The following ADRA1D variants were observed in gnomAD, a reference collection of about 807,000 sequenced individuals.
ADRA1D encodes adrenoceptor alpha 1D.
A neutral mutation model predicts 18.6 loss-of-function variants in ADRA1D; 22 were observed. The observed-to-expected ratio is 1.19, with a 90% CI of 0.85 to 1.69. The LOEUF (loss-of-function observed/expected upper bound fraction) is 1.69, where lower values mean the gene tolerates loss of function less well. Ranked by LOEUF, ADRA1D falls within the 40% of genes most tolerant of loss-of-function variation. The pLI, the probability that ADRA1D is intolerant of heterozygous loss-of-function variation, is 0.00. For missense variants in ADRA1D, 840 were observed against 840.7 expected, an observed-to-expected ratio of 1.00 and a Z score of 0.01; for synonymous variants, 376 against 388.2, an observed-to-expected ratio of 0.97 and a Z score of 0.37.
At chr20:4,233,640 G>A (rs1207691416) in intron 1 of ADRA1D, among the ~76,000 whole-genome samples, 2 of 152,152 alleles carry the variant, frequency 1.3e-5, no homozygotes, top group Non-Finnish European at 2.9e-5. Context: ...GCAGTGTCAC[G>A]TCTTCAAGTG....
rs1272287146 is a variant in ADRA1D at position 4,221,486 on chromosome 20, C to CA, written c.*36dup. ...CCGCCTCTCTGGTCCCCCTTACCCC[C>CA]AAGCCCAGCACACTCCGCGGCCTAG... On this transcript the variant is annotated 3_prime_UTR_variant, in exon 2 of 2. Transcript: ENST00000379453. 1 of 1,571,152 alleles carries CA rather than the reference C, an allele frequency of 6.4e-7. No individual in the cohort carries two copies. Among genetic ancestry groups the CA allele is most frequent in the East Asian group, 2.3e-5 (1 of 44,150 alleles).
chr20:4,247,957 G>T lies in ADRA1D; in HGVS notation c.1001C>A (p.Ser334Tyr), dbSNP rs1389826152. The T allele has an allele frequency of 5.6e-6, 9 of 1,594,320 alleles. No individual in the cohort carries two copies. Among genetic ancestry groups the T allele is most frequent in the Non-Finnish European group, 7.7e-6 (9 of 1,170,990 alleles). Residue 334 changes from serine (S) to tyrosine (Y), a missense_variant, in exon 1 of 2, where the codon TCC becomes TAC. Physicochemically the swap from Ser to Tyr is moderately radical, Grantham distance 144. Transcript: ENST00000379453. ...AKGHTFRSSL[S>Y]VRLLKFSREK... is the part of the protein sequence containing the mutation. ...ACGGGAGAACTTGAGCAGGCGCACG[G>T]AGAGCGAGCTGCGGAAGGTGTGGCC...
Position 4,248,581 on chromosome 20 carries a change from T to C in ADRA1D, c.377A>G (p.His126Arg). The change falls in exon 1 of 2, where the codon CAC (histidine) becomes CGC (arginine). Residue 126 changes from histidine (H) to arginine (R), a missense_variant. Coordinates refer to ENST00000379453, the MANE Select transcript of ADRA1D (RefSeq NM_000678.4). Reference sequence around the variant, plus strand: ...GAAATAGTTGGTGACGGTCTGCAGGTGGCGGTTGCAGGCCACTGAGAGGAT... The same window carrying C: ...GAAATAGTTGGTGACGGTCTGCAGGCGGCGGTTGCAGGCCACTGAGAGGAT... Reference protein sequence around the residue: ...LVILSVACNRHLQTVTNYFIV... With the variant: ...LVILSVACNRRLQTVTNYFIV... 1 of 1,613,662 alleles carries C rather than the reference T, an allele frequency of 6.2e-7. No homozygotes were observed. The highest frequency in any genetic ancestry group is 8.5e-7 in the Non-Finnish European group (1 of 1,179,910).
At position 4,248,976 on chromosome 20, in the gene ADRA1D, G is replaced by C; in HGVS notation, c.-19C>G. ...AAGTCATCTCAACGCGCGGCCGTCG[G>C]TGGCCGGGCCGGGGCACAGAACGAG... On this transcript the variant is annotated 5_prime_UTR_variant, in exon 1 of 2. Coordinates refer to ENST00000379453, the MANE Select transcript of ADRA1D (RefSeq NM_000678.4). 4 of 1,335,804 alleles carry C rather than the reference G, an allele frequency of 3.0e-6. No individual in the cohort carries two copies. Among genetic ancestry groups the C allele is most frequent in the Non-Finnish European group, 2.9e-6 (3 of 1,032,440 alleles). 82.7% of individuals were successfully genotyped at this position (1,335,804 alleles called of 1,614,324 possible).
chr20:4,248,135 A>T lies in ADRA1D; in HGVS notation c.823T>A (p.Cys275Ser). The change falls in exon 1 of 2, where the codon TGC becomes AGC. Residue 275 changes from cysteine (C) to serine (S), a missense_variant. Physicochemically the swap from Cys to Ser is moderately radical, Grantham distance 112 (BLOSUM62 -1). Coordinates refer to ENST00000379453, the MANE Select transcript of ADRA1D (RefSeq NM_000678.4). Reference sequence around the variant, plus strand: ...CTGCGCGCGACCACGTACACGCGGCAGTACATGACCACGATGACCGCCATG... The same window carrying T: ...CTGCGCGCGACCACGTACACGCGGCTGTACATGACCACGATGACCGCCATG... ...LPMAVIVVMYCRVYVVARSTT... is the reference protein window; with the variant it reads ...LPMAVIVVMYSRVYVVARSTT... The T allele has an allele frequency of 6.4e-7, 1 of 1,573,196 alleles. No individual in the cohort carries two copies. Among genetic ancestry groups the T allele is most frequent in the Middle Eastern group, 1.7e-4 (1 of 6,030 alleles).
chr20:4,241,368 T>C (rs951319988), intron 1 of ADRA1D, among the ~76,000 whole-genome samples: 6 of 152,340 alleles, frequency 3.9e-5, no homozygotes, highest in African/African-American at 1.4e-4. Context: ...GTTAATGATA[T>C]GTAGTTAATG....
intron 1 of ADRA1D, among the ~76,000 whole-genome samples, chr20:4,229,483 G>T (rs1980904132): frequency 6.6e-6 from 1 of 152,200 alleles, no homozygotes; most frequent in Non-Finnish European, 1.5e-5. Context: ...TCTGGATAAG[G>T]TGGCCAGGAA....
chr20:4,247,958 A>T lies in ADRA1D; in HGVS notation c.1000T>A (p.Ser334Thr). The change falls in exon 1 of 2, where the codon TCC (serine) becomes ACC (threonine). Residue 334 changes from serine (S) to threonine (T), a missense_variant. Coordinates refer to ENST00000379453, the MANE Select transcript of ADRA1D (RefSeq NM_000678.4). ...AKGHTFRSSL[S>T]VRLLKFSREK... is the part of the protein sequence containing the mutation. ...CGGGAGAACTTGAGCAGGCGCACGG[A>T]GAGCGAGCTGCGGAAGGTGTGGCCC... 1 of 1,593,502 alleles carries T rather than the reference A, an allele frequency of 6.3e-7. No homozygotes were observed.
At position 4,248,975 on chromosome 20, in the gene ADRA1D, G is replaced by A. The variant is rs1408971272; in HGVS notation, c.-18C>T. ...AAAGTCATCTCAACGCGCGGCCGTC[G>A]GTGGCCGGGCCGGGGCACAGAACGA... On this transcript the variant is annotated 5_prime_UTR_variant, in exon 1 of 2. Coordinates refer to ENST00000379453, the MANE Select transcript of ADRA1D (RefSeq NM_000678.4). The A allele has an allele frequency of 1.5e-6, 2 of 1,336,050 alleles. No individual in the cohort carries two copies. The highest frequency in any genetic ancestry group is 2.9e-5 in the Admixed American group (1 of 34,966). 82.8% of individuals were successfully genotyped at this position (1,336,050 alleles called of 1,614,324 possible). A position where few individuals can be genotyped will look rare whatever the true frequency, so the allele number is the denominator to read the frequency against.
intron 1 of ADRA1D, among the ~76,000 whole-genome samples, chr20:4,233,669 A>AAT (rs1981022663): frequency 2.6e-5 from 4 of 151,996 alleles, no homozygotes; most frequent in Non-Finnish European, 5.9e-5. Context: ...GGTCCCCAAA[A>AAT]CCTTGGGACC....
chr20:4,243,055 C>T (rs1981254606), intron 1 of ADRA1D, among the ~76,000 whole-genome samples: 1 of 152,170 alleles, frequency 6.6e-6, no homozygotes, highest in South Asian at 2.1e-4. Context: ...GGGTGCTTGC[C>T]TGGGGCAGGG....
At position 4,222,331 on chromosome 20, in the gene ADRA1D, AT is replaced by A; in HGVS notation, c.1112-202del. ...TTGTTTTCACTCACCTCTACCTGAT[AT>A]TGAGGATTACCTTCAATGAATGTAG... On this transcript the variant is annotated intron_variant, in intron 1 of 1. Transcript: ENST00000379453. This position sits in a 1 kb window ranked among gnomAD's most constrained non-coding sequence, Gnocchi z 4.3. 1 of 640,808 alleles carries A rather than the reference AT, an allele frequency of 1.6e-6. No individual in the cohort carries two copies. The highest frequency in any genetic ancestry group is 2.4e-6 in the Non-Finnish European group (1 of 421,178). 39.7% of individuals were successfully genotyped at this position (640,808 alleles called of 1,614,324 possible).
At position 4,233,163 on chromosome 20, in the gene ADRA1D, T is replaced by A. The variant is rs185520379; in HGVS notation, c.1112-11033A>T. Among the ~76,000 whole-genome samples the A allele has an allele frequency of 4.7e-3, 708 of 152,140 alleles. 8 individuals carry two copies. Among genetic ancestry groups the A allele is most frequent in the African/African-American group, 0.016 (663 of 41,510 alleles). ...AAAAATAAAATAAAATATTTATTTT[T>A]AAAAAAATCATCCAGGCTGGGTGTG... is the stretch of plus-strand genomic sequence containing the variant. On this transcript the variant is annotated intron_variant, in intron 1 of 1. Coordinates refer to ENST00000379453, the MANE Select transcript of ADRA1D (RefSeq NM_000678.4).
chr20:4,231,297 T>TTA (rs1568764910), intron 1 of ADRA1D, among the ~76,000 whole-genome samples: 2 of 81,514 alleles, frequency 2.5e-5, no homozygotes, highest in Non-Finnish European at 5.3e-5. Context: ...TATTATTATT[T>TTA]TTGTAAAGAC....
intron 1 of ADRA1D, among the ~76,000 whole-genome samples, chr20:4,227,972 G>C (rs542478583): frequency 6.6e-6 from 1 of 152,138 alleles, no homozygotes; most frequent in South Asian, 2.1e-4. Context: ...TCCGAAGCTT[G>C]CTCTCTGTAC....
At chr20:4,224,889 G>T (rs1980757672) in intron 1 of ADRA1D, among the ~76,000 whole-genome samples, 1 of 151,678 alleles carries the variant, frequency 6.6e-6, no homozygotes, top group South Asian at 2.1e-4. Context: ...AGTTTCTGGT[G>T]CTAAGAGACA....
intron 1 of ADRA1D, among the ~76,000 whole-genome samples, chr20:4,231,063 T>TC (rs1568764642): frequency 2.1e-5 from 2 of 97,406 alleles, no homozygotes; most frequent in African/African-American, 8.2e-5. Flanking sequence ...TCTTTCTTTC[T>TC]TTCTCTCTCT....
At position 4,221,870 on chromosome 20, in the gene ADRA1D, G is replaced by A. The variant is rs1287620136; in HGVS notation, c.1372C>T (p.Pro458Ser). Reference sequence around the variant, plus strand: ...GCGGTGAGGGCCAGCGGCGCTCCGGGGGGCGCGTCGCCCGAACTCGGGGCG... The same window carrying A: ...GCGGTGAGGGCCAGCGGCGCTCCGGAGGGCGCGTCGCCCGAACTCGGGGCG... ...DCAPSSGDAPPGAPLALTALP... is the reference protein window; with the variant it reads ...DCAPSSGDAPSGAPLALTALP... Residue 458 changes from proline to serine, a missense_variant, in exon 2 of 2, where the codon CCC becomes TCC. Transcript: ENST00000379453. 1 of 1,465,598 alleles carries A rather than the reference G, an allele frequency of 6.8e-7. No homozygotes were observed. The highest frequency in any genetic ancestry group is 2.5e-5 in the Admixed American group (1 of 40,220). 90.8% of individuals were successfully genotyped at this position (1,465,598 alleles called of 1,614,324 possible).
Position 4,248,727 on chromosome 20 carries a change from C to A in ADRA1D, c.231G>T (p.Ala77=). ...SSAGEPGSAG[A]GGDVNGTAAV... ...CCGCCGTGCCATTCACGTCGCCGCC[C>A]GCGCCCGCGCTCCCCGGCTCCCCCG... is the stretch of plus-strand genomic sequence containing the variant. Residue 77 remains alanine (A), a synonymous_variant, in exon 1 of 2, where the codon GCG becomes GCT. Coordinates refer to ENST00000379453, the MANE Select transcript of ADRA1D (RefSeq NM_000678.4). The A allele has an allele frequency of 1.3e-6, 2 of 1,547,212 alleles. No homozygotes were observed. Among genetic ancestry groups the A allele is most frequent in the South Asian group, 1.2e-5 (1 of 84,330 alleles).
Sources: gnomAD v4.1 joint callset for allele counts (sites outside exome capture counted in the v4.1 genomes callset) on GRCh38, gnomAD v4.1.1 for gene constraint, Gnocchi (gnomAD v3.1) non-coding constraint, MANE v1.5 for transcripts, NCBI Gene and HGNC (gene_info 2026-07-23, HGNC 2026-07-21) for gene names.